NAV2: variants seen among roughly 807,000 people sequenced by gnomAD.
The protein encoded by NAV2 is helicase, APC down-regulated 1.
A neutral mutation model predicts 223.2 loss-of-function variants in NAV2; 54 were observed. The ratio of observed to expected loss-of-function variants is 0.24; its 90% CI spans 0.19 to 0.30. The LOEUF (loss-of-function observed/expected upper bound fraction) is 0.30. NAV2 is among the 10% of genes least tolerant of loss of function. The pLI, the probability that NAV2 is intolerant of heterozygous loss-of-function variation, is 1.00. For synonymous variants in NAV2, 1,279 were observed against 1,239.3 expected, an observed-to-expected ratio of 1.03 and a Z score of -0.67; for missense variants, 2,806 against 3,147.5, an observed-to-expected ratio of 0.89 and a Z score of 2.60.
At chr11:19,743,444 C>T (rs557587847) in intron 1 of NAV2, among the ~76,000 whole-genome samples, 1 of 152,310 alleles carries the variant, frequency 6.6e-6, no homozygotes, top group South Asian at 2.1e-4. Context: ...GGTCTTCCAC[C>T]CGTGCTGTGA....
At chr11:19,544,728 A>G (rs984660909) in intron 1 of NAV2, among the ~76,000 whole-genome samples, 2 of 152,194 alleles carry the variant, frequency 1.3e-5, no homozygotes, top group African/African-American at 2.4e-5. Context: ...GGAAAGTAAG[A>G]AGGGAATTAG....
At chr11:19,889,867 C>T (rs1178140635) in intron 5 of NAV2, among the ~76,000 whole-genome samples, 2 of 152,178 alleles carry the variant, frequency 1.3e-5, no homozygotes, top group Non-Finnish European at 2.9e-5. Context: ...CCCTGCTCGC[C>T]GAAGCCTATC....
chr11:19,547,110 G>T (rs1390067932), intron 1 of NAV2, among the ~76,000 whole-genome samples: 1 of 152,172 alleles, frequency 6.6e-6, no homozygotes, highest in African/African-American at 2.4e-5. Context: ...TCCAACAGCA[G>T]CCTCTCCTGC....
chr11:19,713,672 G>T lies in NAV2; in HGVS notation c.-24G>T. ...CGCCGCCGCTGCCAGGGACGTGCTG[G>T]GAAAGCCCAAGCCCCGGGAGAAGAT... is the stretch of plus-strand genomic sequence containing the variant. On this transcript the variant is annotated 5_prime_UTR_variant, in exon 1 of 38. Transcript: ENST00000349880. The surrounding 1 kb of genome is among the most constrained non-coding windows in gnomAD (Gnocchi z 7.2). 1.3e-6 allele frequency: 2 copies of T among 1,523,630 alleles called. No homozygotes were observed. The highest frequency in any genetic ancestry group is 1.8e-6 in the Non-Finnish European group (2 of 1,134,214). The allele number at this position is 1,523,630 out of a possible 1,614,324, so 94.4% of individuals were successfully genotyped here. A position where few individuals can be genotyped will look rare whatever the true frequency, so the allele number is the denominator to read the frequency against.
At chr11:19,708,247 A>G (rs1286357101), upstream of NAV2, among the ~76,000 whole-genome samples, 1 of 152,204 alleles carries the variant, frequency 6.6e-6, no homozygotes, top group Non-Finnish European at 1.5e-5. Flanking sequence ...CTCTCAACTC[A>G]GCCACTACTA....
chr11:19,822,612 T>TGG (rs763594559), intron 1 of NAV2, among the ~76,000 whole-genome samples: 12 of 152,116 alleles, frequency 7.9e-5, no homozygotes, highest in Non-Finnish European at 1.6e-4. Flanking sequence ...GGCTTCTAGG[T>TGG]GGGCAGGTAT....
At chr11:19,864,024 C>T (rs1242349423) in intron 3 of NAV2, among the ~76,000 whole-genome samples, 3 of 152,234 alleles carry the variant, frequency 2.0e-5, no homozygotes, top group African/African-American at 7.2e-5. Flanking sequence ...AGAAGCTACA[C>T]TGTGCTTCCA....
At chr11:19,390,928 T>C (rs540629162) in intron 1 of NAV2, among the ~76,000 whole-genome samples, 1 of 152,314 alleles carries the variant, frequency 6.6e-6, no homozygotes, top group South Asian at 2.1e-4. Flanking sequence ...TAATTGATCC[T>C]ATGAGCTCAG....
chr11:19,456,139 A>G (rs1368079384), intron 1 of NAV2, among the ~76,000 whole-genome samples: 1 of 152,210 alleles, frequency 6.6e-6, no homozygotes, highest in Non-Finnish European at 1.5e-5. Context: ...TGAGGACCCA[A>G]CTCTGAAAAA....
At chr11:20,009,571 TA>T (rs2053396242) in intron 11 of NAV2, among the ~76,000 whole-genome samples, 1 of 152,178 alleles carries the variant, frequency 6.6e-6, no homozygotes, top group Admixed American at 6.5e-5. Context: ...AGAGCTGGAG[TA>T]ATTTTCCTTT....
chr11:19,577,955 G>A (rs1324279265), intron 1 of NAV2, among the ~76,000 whole-genome samples: 1 of 152,216 alleles, frequency 6.6e-6, no homozygotes, highest in Non-Finnish European at 1.5e-5. Context: ...GCAGCATTTT[G>A]TTTTGCTCAA....
intron 24 of NAV2, among the ~76,000 whole-genome samples, chr11:20,078,353 C>T (rs906960471): frequency 6.6e-6 from 1 of 152,212 alleles, no homozygotes; most frequent in Non-Finnish European, 1.5e-5. Context: ...TTTCTATTGG[C>T]AGAGTGTTAA....
At chr11:19,426,194 C>T (rs1211803956) in intron 1 of NAV2, among the ~76,000 whole-genome samples, 1 of 152,122 alleles carries the variant, frequency 6.6e-6, no homozygotes, top group African/African-American at 2.4e-5. Context: ...CTCCAGTGCT[C>T]CTAGCGTCTC....
Position 19,372,220 on chromosome 11 carries a change from C to T in NAV2, c.75+21193C>T, listed in dbSNP as rs571315273. 4.6e-5 allele frequency among the ~76,000 whole-genome samples: 7 copies of T among 152,320 alleles called. No individual in the cohort carries two copies. The South Asian group carries it at 1.5e-3, about 32-fold the overall frequency. On this transcript the variant is annotated intron_variant, in intron 1 of 37. Transcript: ENST00000360655. ...CTTCCCCCTCTGAATGCCTCAGTTT[C>T]CTCATTTGTAGAAGAGGGGTGTCAT...
intron 1 of NAV2, among the ~76,000 whole-genome samples, chr11:19,677,696 T>C (rs1437930325): frequency 1.3e-5 from 2 of 152,260 alleles, no homozygotes; most frequent in African/African-American, 2.4e-5. Context: ...TGAGTGATTT[T>C]GTGATTGATC....
chr11:19,793,046 T>TA (rs1315886142), intron 1 of NAV2, among the ~76,000 whole-genome samples: 1 of 151,484 alleles, frequency 6.6e-6, no homozygotes, highest in East Asian at 1.9e-4. Context: ...CTGTCTCTAC[T>TA]AAAAATACAA....
chr11:19,942,236 T>A (rs765772648), intron 8 of NAV2, among the ~76,000 whole-genome samples: 10 of 152,166 alleles, frequency 6.6e-5, no homozygotes, highest in Non-Finnish European at 1.0e-4. Context: ...GAGGCATAAT[T>A]GGCAGTTTAG....
In NAV2 at chr11:20,105,442, C is replaced by T. The variant is rs1456429197; in HGVS notation, c.6645-89C>T. The T allele has an allele frequency of 3.7e-6, 4 of 1,083,030 alleles. No individual in the cohort carries two copies. In the African/African-American group the frequency reaches 4.7e-5, roughly 13 times the overall value. 67.1% of individuals were successfully genotyped at this position (1,083,030 alleles called of 1,614,324 possible). On this transcript the variant is annotated intron_variant, in intron 34 of 37. Coordinates refer to ENST00000349880, the MANE Select transcript of NAV2 (RefSeq NM_145117.5). ...CAATTTGTTGCATTAGCATATACACCTTCTGTTTCTAACGTGCTTTGGTTC... is the reference window on the plus strand; with the variant it reads ...CAATTTGTTGCATTAGCATATACACTTTCTGTTTCTAACGTGCTTTGGTTC...
chr11:19,598,094 G>A (rs533931714), intron 1 of NAV2, among the ~76,000 whole-genome samples: 31 of 152,366 alleles, frequency 2.0e-4, no homozygotes, highest in Middle Eastern at 3.4e-3. Flanking sequence ...GGCAGATGCC[G>A]CCGCCCCCTG....
Sources: allele counts gnomAD v4.1 joint callset (sites outside exome capture counted in the v4.1 genomes callset), GRCh38; gene constraint gnomAD v4.1.1; non-coding constraint Gnocchi (gnomAD v3.1); transcripts MANE v1.5; gene names NCBI Gene and HGNC (gene_info 2026-07-23, HGNC 2026-07-21).